Variants in CMKLR1 observed in about 807,000 individuals in gnomAD.
CMKLR1 encodes chemerin chemokine-like receptor 1, also known as chemerin-like receptor 1.
Under a neutral mutation model 8.2 loss-of-function variants are expected in CMKLR1, and 6 were observed. That is an observed-to-expected ratio of 0.73 (90% CI 0.40 to 1.44). The LOEUF is 1.44. Among genes scored for constraint, CMKLR1 ranks in the 40% most tolerant of loss-of-function variants. CMKLR1 has a pLI of 0.02. For synonymous variants in CMKLR1, 178 were observed against 181.2 expected (o/e 0.98, Z 0.14); for missense variants, 429 against 478.0 (o/e 0.90, Z 0.96).
chr12:108,317,706 C>A (rs1387887435), intron 2 of CMKLR1, among the ~76,000 whole-genome samples: 3 of 152,230 alleles, frequency 2.0e-5, no homozygotes, highest in African/African-American at 7.2e-5. Flanking sequence ...TAACAGCCAT[C>A]CATCCACAAT....
chr12:108,302,328 T>C (rs1019357727), intron 2 of CMKLR1, among the ~76,000 whole-genome samples: 1 of 152,198 alleles, frequency 6.6e-6, no homozygotes, highest in Non-Finnish European at 1.5e-5. Context: ...TGAGTGAATA[T>C]CCAGGCAGTG....
At chr12:108,300,895 G>A (rs1219348720) in intron 2 of CMKLR1, among the ~76,000 whole-genome samples, 7 of 152,120 alleles carry the variant, frequency 4.6e-5, no homozygotes, top group African/African-American at 1.7e-4. Context: ...CAATCCTCAT[G>A]ATCACCCTAC....
chr12:108,289,581 T>G lies in CMKLR1; in HGVS notation c.*2260A>C, dbSNP rs1890901293. 6.6e-6 allele frequency: 1 copy of G among 152,212 alleles called. No individual in the cohort carries two copies. Among genetic ancestry groups the G allele is most frequent in the African/African-American group, 2.4e-5 (1 of 41,446 alleles). 9.4% of individuals were successfully genotyped at this position (152,212 alleles called of 1,614,324 possible). The stretch of plus-strand genomic sequence containing the variant: ...CAGAAGCCCAGGAAAAGCAGCATCC[T>G]ACAAGCCAGGAGGGCCAAGGCGCTG... On this transcript the variant is annotated 3_prime_UTR_variant, in exon 4 of 4. Transcript: ENST00000550402.
chr12:108,299,231 C>T (rs1336259284), intron 2 of CMKLR1, among the ~76,000 whole-genome samples: 2 of 152,184 alleles, frequency 1.3e-5, no homozygotes, highest in Non-Finnish European at 2.9e-5. Context: ...CAGAGAAAGA[C>T]CCAGAAGGTC....
intron 2 of CMKLR1, among the ~76,000 whole-genome samples, chr12:108,323,027 C>T (rs993336846): frequency 2.0e-5 from 3 of 152,170 alleles, no homozygotes; most frequent in Non-Finnish European, 2.9e-5. Flanking sequence ...AGACAGTGCC[C>T]ACCTGAATCC....
chr12:108,305,874 G>A lies in CMKLR1; in HGVS notation c.-73-12210C>T, dbSNP rs117228128. Among the ~76,000 whole-genome samples the A allele has an allele frequency of 1.0e-2, 1,519 of 152,220 alleles. 14 individuals carry two copies. Among genetic ancestry groups the A allele is most frequent in the Non-Finnish European group, 0.016 (1,090 of 68,002 alleles). Reference sequence around the variant, plus strand: ...ACGGAGCTTAGGACTCCATAAGAATGGGCAAAAACAAGGAGCTTATGCCCC... The same window carrying A: ...ACGGAGCTTAGGACTCCATAAGAATAGGCAAAAACAAGGAGCTTATGCCCC... On this transcript the variant is annotated intron_variant, in intron 2 of 3. Transcript: ENST00000550402.
chr12:108,312,982 C>T (rs1350687724), intron 2 of CMKLR1, among the ~76,000 whole-genome samples: 2 of 152,110 alleles, frequency 1.3e-5, no homozygotes, highest in Admixed American at 6.5e-5. Flanking sequence ...CCCCAGGGTC[C>T]TCCTGCCTAG....
intron 1 of CMKLR1, among the ~76,000 whole-genome samples, chr12:108,334,645 C>T (rs908552607): frequency 2.0e-5 from 3 of 152,240 alleles, no homozygotes; most frequent in Non-Finnish European, 2.9e-5. Context: ...ACTCTAACCA[C>T]ACCATGTACA....
At chr12:108,300,739 C>T (rs1408598748) in intron 2 of CMKLR1, among the ~76,000 whole-genome samples, 1 of 152,174 alleles carries the variant, frequency 6.6e-6, no homozygotes, top group Non-Finnish European at 1.5e-5. Context: ...CAAGGACCCA[C>T]CTCCTAGGGC....
chr12:108,316,866 C>G (rs1891748003), intron 2 of CMKLR1, among the ~76,000 whole-genome samples: 1 of 152,222 alleles, frequency 6.6e-6, no homozygotes, highest in Admixed American at 6.5e-5. Flanking sequence ...AGCTCAATCA[C>G]AGCTCACTGC....
chr12:108,334,483 C>T (rs1409137458), intron 1 of CMKLR1, among the ~76,000 whole-genome samples: 1 of 152,232 alleles, frequency 6.6e-6, no homozygotes, highest in Non-Finnish European at 1.5e-5. Flanking sequence ...TACTTGGTCA[C>T]ACTGTACTTC....
chr12:108,319,491 C>T (rs1891807198), intron 2 of CMKLR1, among the ~76,000 whole-genome samples: 1 of 152,336 alleles, frequency 6.6e-6, no homozygotes, highest in South Asian at 2.1e-4. Context: ...TCACTTACTA[C>T]CTGTAAGACC....
At position 108,313,695 on chromosome 12, in the gene CMKLR1, G is replaced by A. The variant is rs1222560651; in HGVS notation, c.-74+16300C>T. Among the ~76,000 whole-genome samples, 3 of 152,218 alleles carry A rather than the reference G, an allele frequency of 2.0e-5. No homozygotes were observed. The East Asian group carries it at 5.8e-4, about 29-fold the overall frequency. On this transcript the variant is annotated intron_variant, in intron 2 of 3. Transcript: ENST00000550402. ...GCTGGTCACTCTATGAACATGAAGA[G>A]ACTGGCTCAAACAAACATGCCCTTT...
At chr12:108,298,099 C>A (rs751826364) in intron 2 of CMKLR1, among the ~76,000 whole-genome samples, 7 of 152,186 alleles carry the variant, frequency 4.6e-5, no homozygotes, top group Non-Finnish European at 8.8e-5. Flanking sequence ...TACAACTGAT[C>A]ACATTTCCCT....
chr12:108,293,500 G>A, intron 3 of CMKLR1, 89 bp downstream of exon 3: 1 of 1,408,926 alleles, frequency 7.1e-7, no homozygotes, highest in East Asian at 2.5e-5. Flanking sequence ...CTAAAACCAA[G>A]TGGACAGCCT....
chr12:108,318,179 A>G (rs1891778154), intron 2 of CMKLR1, among the ~76,000 whole-genome samples: 1 of 152,214 alleles, frequency 6.6e-6, no homozygotes, highest in South Asian at 2.1e-4. Context: ...ATAATAAATC[A>G]TTGTGTGTGT....
chr12:108,309,223 T>C (rs1034259025), intron 2 of CMKLR1, among the ~76,000 whole-genome samples: 2 of 152,138 alleles, frequency 1.3e-5, no homozygotes, highest in African/African-American at 4.8e-5. Flanking sequence ...ATACAATGAA[T>C]ATAATAGCAG....
chr12:108,310,015 A>T lies in CMKLR1; in HGVS notation c.-73-16351T>A, dbSNP rs1279482030. ...CCCTGGCTCTGCACAAAGTAAAGAG[A>T]AAGGGCTGGGGAAATCAGGGGATGC... On this transcript the variant is annotated intron_variant, in intron 2 of 3. Coordinates refer to ENST00000550402, the MANE Select transcript of CMKLR1 (RefSeq NM_001142343.2). 2.6e-5 allele frequency among the ~76,000 whole-genome samples: 4 copies of T among 152,124 alleles called. No homozygotes were observed. The East Asian group carries it at 7.7e-4, about 29-fold the overall frequency.
intron 2 of CMKLR1, among the ~76,000 whole-genome samples, chr12:108,305,033 TCA>T (rs1163268311): frequency 6.6e-6 from 1 of 152,184 alleles, no homozygotes; most frequent in Non-Finnish European, 1.5e-5. Context: ...GCCAGATGGC[TCA>T]GACACCTCTC....
Sources: gnomAD v4.1 joint callset for allele counts (sites outside exome capture counted in the v4.1 genomes callset) on GRCh38, gnomAD v4.1.1 for gene constraint, MANE v1.5 for transcripts, NCBI Gene and HGNC (gene_info 2026-07-23, HGNC 2026-07-21) for gene names.